The following WDSUB1 variants were observed in gnomAD, a reference collection of about 807,000 sequenced individuals.
The protein encoded by WDSUB1 is WD repeat, sterile alpha motif and U-box domain containing 1, also known as WD repeat, SAM and U-box domain-containing protein 1.
WDSUB1 carries 49 observed loss-of-function variants against 53.9 expected under a neutral mutation model. The ratio of observed to expected loss-of-function variants is 0.91; its 90% CI spans 0.72 to 1.15. The LOEUF is 1.15. Ranked by LOEUF, WDSUB1 falls within the 50% of genes most tolerant of loss-of-function variation. WDSUB1 has a pLI of 0.00. For synonymous variants in WDSUB1, 194 were observed against 200.6 expected (o/e 0.97, Z 0.28); for missense variants, 514 against 562.0 (o/e 0.91, Z 0.86).
rs371103228 is a variant in WDSUB1 at position 159,269,813 on chromosome 2, C to T, written c.770+1889G>A. ...AAAAATCATCTGATGAAATACAATA[C>T]CCTTGCATGATTAAAAAAATAACAA... On this transcript the variant is annotated intron_variant, in intron 5 of 10. Coordinates refer to ENST00000359774, the MANE Select transcript of WDSUB1 (RefSeq NM_001128212.3). Among the ~76,000 whole-genome samples, 17 of 152,142 alleles carry T rather than the reference C, an allele frequency of 1.1e-4. No individual in the cohort carries two copies. In the East Asian group the frequency reaches 2.7e-3, roughly 24 times the overall value.
intron 9 of WDSUB1, among the ~76,000 whole-genome samples, chr2:159,255,830 G>C (rs2061050194): frequency 6.6e-6 from 1 of 152,072 alleles, no homozygotes; most frequent in South Asian, 2.1e-4. Context: ...ATGTTTATTA[G>C]AGCATGATAT....
intron 2 of WDSUB1, 115 bp from the exon 3 acceptor site, chr2:159,280,060 G>A: frequency 3.3e-6 from 3 of 922,970 alleles, no homozygotes; most frequent in African/African-American, 1.7e-5. Context: ...CACAGAACTA[G>A]AGAGAAAGGA....
At position 159,282,882 on chromosome 2, in the gene WDSUB1, G is replaced by A. The variant is rs749715501; in HGVS notation, c.188C>T (p.Ser63Phe). 2.5e-6 allele frequency: 4 copies of A among 1,614,178 alleles called. No individual in the cohort carries two copies. In the South Asian group the frequency reaches 4.4e-5, roughly 18 times the overall value. ...HTYAVHCCCF[S>F]PSGHILASCS... is the part of the protein sequence containing the mutation. ...CGATGCCAAAATATGTCCTGAAGGG[G>A]AGAAACAGCAGCAGTGGACAGCATA... is the stretch of plus-strand genomic sequence containing the variant. The change falls in exon 2 of 11, where the codon TCC (serine) becomes TTC (phenylalanine). Residue 63 changes from serine to phenylalanine, a missense_variant. Coordinates refer to ENST00000359774, the MANE Select transcript of WDSUB1 (RefSeq NM_001128212.3).
At chr2:159,277,192 T>C (rs2061559127) in intron 3 of WDSUB1, among the ~76,000 whole-genome samples, 1 of 152,228 alleles carries the variant, frequency 6.6e-6, no homozygotes, top group Non-Finnish European at 1.5e-5. Context: ...CTTTTTTAAC[T>C]CCATGGGACT....
intron 6 of WDSUB1, 55 bp downstream of exon 6, chr2:159,259,755 A>G: frequency 1.4e-6 from 2 of 1,467,540 alleles, no homozygotes; most frequent in Non-Finnish European, 1.8e-6. Context: ...CTTGAAGTTC[A>G]GTAGTCTAAT....
chr2:159,261,894 ATATTTTTTTTTT>A (rs2061232640), intron 5 of WDSUB1, among the ~76,000 whole-genome samples: 1 of 13,312 alleles, frequency 7.5e-5, no homozygotes. Context: ...ATATATATAT[ATATTTTTTTTTT>A]TTTTTTTTTT....
intron 10 of WDSUB1, among the ~76,000 whole-genome samples, chr2:159,240,558 G>A (rs188247638): frequency 7.9e-5 from 12 of 152,262 alleles, no homozygotes; most frequent in South Asian, 2.1e-4. Flanking sequence ...GACACTGACC[G>A]TCTTTTGAAG....
chr2:159,283,188 C>T (rs1278370383), intron 1 of WDSUB1, 95 bp from the exon 2 acceptor site: 2 of 1,081,262 alleles, frequency 1.8e-6, no homozygotes, highest in African/African-American at 3.2e-5. Context: ...TTAATTTGCT[C>T]AATGAAAGCT....
intron 10 of WDSUB1, 128 bp downstream of exon 10, chr2:159,248,244 G>T: frequency 9.5e-7 from 1 of 1,053,544 alleles, no homozygotes; most frequent in Non-Finnish European, 1.3e-6. Context: ...GTTCACCCAA[G>T]GTTTAATTAG....
intron 9 of WDSUB1, among the ~76,000 whole-genome samples, chr2:159,253,689 T>C (rs911535317): frequency 3.3e-5 from 5 of 152,142 alleles, no homozygotes; most frequent in Non-Finnish European, 5.9e-5. Context: ...GCAGGTAAAA[T>C]AGATATGCAT....
At chr2:159,249,184 G>A (rs1046292120) in intron 9 of WDSUB1, among the ~76,000 whole-genome samples, 2 of 152,192 alleles carry the variant, frequency 1.3e-5, no homozygotes, top group South Asian at 4.1e-4. Flanking sequence ...AAATATGTTT[G>A]AGTTCAAAAC....
chr2:159,240,600 G>A (rs1275306838), intron 10 of WDSUB1, among the ~76,000 whole-genome samples: 1 of 152,202 alleles, frequency 6.6e-6, no homozygotes, highest in Non-Finnish European at 1.5e-5. Context: ...TCATTAGACT[G>A]TTCCAGGGCA....
intron 1 of WDSUB1, among the ~76,000 whole-genome samples, chr2:159,283,904 TCGCGG>T (rs1249796622): frequency 6.6e-6 from 1 of 152,218 alleles, no homozygotes; most frequent in Non-Finnish European, 1.5e-5. Context: ...AACTCCCGCC[TCGCGG>T]GTTCAAGTGA....
chr2:159,281,374 G>C (rs12614090), intron 2 of WDSUB1, among the ~76,000 whole-genome samples: 59,607 of 151,958 alleles, frequency 0.39, 13,432 homozygotes, highest in Non-Finnish European at 0.54. Flanking sequence ...GAGTAGCGAG[G>C]ACTACAGGCA....
rs1386576374 is a variant in WDSUB1, at chr2:159,236,252, T to C, written c.1274-62A>G. The stretch of plus-strand genomic sequence containing the variant: ...GAAAGGGAAATGAGGATGTCTAAAA[T>C]GAAGTGAATGTAAAAACTCCCTGCA... On this transcript the variant is annotated intron_variant, in intron 10 of 10. Coordinates refer to ENST00000359774, the MANE Select transcript of WDSUB1 (RefSeq NM_001128212.3). 4 of 1,507,794 alleles carry C rather than the reference T, an allele frequency of 2.7e-6. No individual in the cohort carries two copies. The Admixed American group carries it at 8.5e-5, about 32-fold the overall frequency. 93.4% of individuals were successfully genotyped at this position (1,507,794 alleles called of 1,614,324 possible).
intron 10 of WDSUB1, among the ~76,000 whole-genome samples, chr2:159,237,447 C>T (rs539491602): frequency 2.6e-5 from 4 of 151,316 alleles, no homozygotes; most frequent in Admixed American, 1.3e-4. Flanking sequence ...CTTGAGCCCG[C>T]GAGACAGAGG....
chr2:159,258,830 C>A lies in WDSUB1; in HGVS notation c.805-845G>T, dbSNP rs117577095. Among the ~76,000 whole-genome samples the A allele has an allele frequency of 1.5e-4, 23 of 152,196 alleles. No individual in the cohort carries two copies. In the East Asian group the frequency reaches 4.0e-3, roughly 27 times the overall value. On this transcript the variant is annotated intron_variant, in intron 6 of 10. Coordinates refer to ENST00000359774, the MANE Select transcript of WDSUB1 (RefSeq NM_001128212.3). ...GTTCATGAGAAATATTAAAGATTTA[C>A]CTCACCTAGCTTGAGTATTCTTTCC...
At chr2:159,262,472 G>T (rs750790532) in intron 5 of WDSUB1, among the ~76,000 whole-genome samples, 1 of 151,846 alleles carries the variant, frequency 6.6e-6, no homozygotes, top group African/African-American at 2.4e-5. Context: ...TTTGAGAAGC[G>T]CAAGGCCAAA....
In WDSUB1 at chr2:159,275,543, T is replaced by C. The variant is rs1385993393; in HGVS notation, c.676+3A>G. On this transcript the variant is annotated splice_donor_region_variant and intron_variant, in intron 4 of 10. Coordinates refer to ENST00000359774, the MANE Select transcript of WDSUB1 (RefSeq NM_001128212.3). ...TTAGAGAAGCACTATTTGGCATACA[T>C]ACCTAAGATATGGGTAAAAGAAACA... is the stretch of plus-strand genomic sequence containing the variant. 1.3e-6 allele frequency: 2 copies of C among 1,590,732 alleles called. No homozygotes were observed. The highest frequency in any genetic ancestry group is 1.7e-6 in the Non-Finnish European group (2 of 1,173,164).
Sources: gnomAD v4.1 joint callset for allele counts (sites outside exome capture counted in the v4.1 genomes callset) on GRCh38, gnomAD v4.1.1 for gene constraint, MANE v1.5 for transcripts, NCBI Gene and HGNC (gene_info 2026-07-23, HGNC 2026-07-21) for gene names.